Variants in BPTF observed in about 807,000 individuals in gnomAD.
The protein encoded by BPTF is nucleosome-remodeling factor subunit BPTF.
Under a neutral mutation model 292.5 loss-of-function variants are expected in BPTF, and 18 were observed. That is an observed-to-expected ratio of 0.06 (90% confidence interval 0.04 to 0.09). The LOEUF is 0.09. Among genes scored for constraint, BPTF ranks in the 10% least tolerant of loss-of-function variants. The probability of loss-of-function intolerance (pLI) is 1.00; values close to 1 mark genes in which losing one functional copy is unlikely to be tolerated. For missense variants in BPTF, 2,726 were observed against 3,498.7 expected, an observed-to-expected ratio of 0.78 and a Z score of 5.57; for synonymous variants, 1,225 against 1,251.9, an observed-to-expected ratio of 0.98 and a Z score of 0.45.
intron 9 of BPTF, among the ~76,000 whole-genome samples, chr17:67,906,169 C>T (rs2062178684): frequency 6.6e-6 from 1 of 152,070 alleles, no homozygotes; most frequent in African/African-American, 2.4e-5. Context: ...CAACCTCCGC[C>T]TCCTGGGTTC....
intron 2 of BPTF, among the ~76,000 whole-genome samples, chr17:67,860,115 AGAT>A (rs1477127058): frequency 6.6e-6 from 1 of 152,242 alleles, no homozygotes; most frequent in Non-Finnish European, 1.5e-5. Context: ...CAGATTTTAA[AGAT>A]GATTTCAGGC....
chr17:67,934,012 C>T (rs894856946), intron 18 of BPTF, among the ~76,000 whole-genome samples: 6 of 151,710 alleles, frequency 4.0e-5, no homozygotes, highest in African/African-American at 1.5e-4. Context: ...CCATTGCACT[C>T]CAACGTGGGC....
At chr17:67,923,879 A>C (rs1374353251) in intron 14 of BPTF, among the ~76,000 whole-genome samples, 1 of 145,918 alleles carries the variant, frequency 6.9e-6, no homozygotes, top group African/African-American at 2.5e-5. Context: ...AGACAGTTTC[A>C]CTCTGTCCCC....
chr17:67,861,131 T>C (rs2059051041), intron 2 of BPTF, among the ~76,000 whole-genome samples: 1 of 152,174 alleles, frequency 6.6e-6, no homozygotes, highest in South Asian at 2.1e-4. Flanking sequence ...TCTTAGTAAA[T>C]GGAATTACTG....
At chr17:67,961,014 A>T (rs561869542) in intron 24 of BPTF, among the ~76,000 whole-genome samples, 4 of 152,198 alleles carry the variant, frequency 2.6e-5, no homozygotes, top group South Asian at 4.1e-4. Flanking sequence ...ATTTTTTTTT[A>T]CTTTAGTTTA....
intron 26 of BPTF, chr17:67,974,257 A>G (rs2069127190): frequency 6.6e-6 from 1 of 150,724 alleles, no homozygotes; most frequent in African/African-American, 2.4e-5. Context: ...TATTTCAGTC[A>G]GTACATTCCA....
intron 9 of BPTF, among the ~76,000 whole-genome samples, chr17:67,905,854 G>A (rs1380925887): frequency 6.6e-6 from 1 of 151,672 alleles, no homozygotes; most frequent in Non-Finnish European, 1.5e-5. Flanking sequence ...TTTTCAGTGA[G>A]AACATTTGGA....
At chr17:67,855,330 A>C (rs2058626455) in intron 2 of BPTF, among the ~76,000 whole-genome samples, 1 of 152,158 alleles carries the variant, frequency 6.6e-6, no homozygotes. Flanking sequence ...AAAAGTTTCT[A>C]GGTGGAATGC....
chr17:67,912,007 TGTA>T lies in BPTF; in HGVS notation c.4126_4128del (p.Ser1376del), dbSNP rs2062686442. 6.2e-7 allele frequency: 1 copy of T among 1,613,618 alleles called. No individual in the cohort carries two copies. On this transcript the variant is annotated inframe_deletion, in exon 11 of 28. Coordinates refer to ENST00000306378, the MANE Select transcript of BPTF (RefSeq NM_182641.4). ...ATTAGAGGAGAGACCAGTTAATAAA[TGTA>T]GTGATCAAATAAAGCTAAAAAATAC...
chr17:67,974,259 T>C (rs1295450706), intron 26 of BPTF: 4 of 150,160 alleles, frequency 2.7e-5, no homozygotes, highest in African/African-American at 9.8e-5. Context: ...TTTCAGTCAG[T>C]ACATTCCAAA....
chr17:67,895,453 A>C (rs1598479967), intron 7 of BPTF, among the ~76,000 whole-genome samples: 1 of 145,128 alleles, frequency 6.9e-6, no homozygotes, highest in Non-Finnish European at 1.5e-5. Context: ...TGGTGTTTCC[A>C]CCACATACAT....
Position 67,904,739 on chromosome 17 carries a change from G to C in BPTF, c.2711G>C (p.Gly904Ala). 2 of 1,613,272 alleles carry C rather than the reference G, an allele frequency of 1.2e-6. No individual in the cohort carries two copies. Among genetic ancestry groups the C allele is most frequent in the Non-Finnish European group, 1.7e-6 (2 of 1,179,400 alleles). The change falls in exon 9 of 28, where the codon GGA becomes GCA. Residue 904 changes from glycine to alanine, a missense_variant. By Grantham distance (60) the Gly-to-Ala change is moderately conservative (BLOSUM62 0). This residue lies in a region of BPTF where 99 missense variants were observed against 227.1 expected (regional missense o/e 0.44). Coordinates refer to ENST00000306378, the MANE Select transcript of BPTF (RefSeq NM_182641.4). The stretch of plus-strand genomic sequence containing the variant: ...AAAGGTGAAGAGTACAGAGTGACAG[G>C]ATATGGTGGTTGGAGCTGGATTAGT... ...KQKGEEYRVT[G>A]YGGWSWISKT...
intron 1 of BPTF, among the ~76,000 whole-genome samples, chr17:67,828,184 C>T (rs1274236718): frequency 2.0e-5 from 3 of 152,096 alleles, no homozygotes; most frequent in African/African-American, 7.2e-5. Flanking sequence ...CCTACCTCGG[C>T]CTCCCAAAAT....
Position 67,936,190 on chromosome 17 carries a change from A to AAT in BPTF, c.6259+4175_6259+4176dup, listed in dbSNP as rs2064900497. Among the ~76,000 whole-genome samples the AAT allele has an allele frequency of 2.6e-5, 4 of 152,336 alleles. No homozygotes were observed. The South Asian group carries it at 8.3e-4, about 32-fold the overall frequency. ...TAATTTAGCACCAATTCTAATATGAAATATAGCAGGGTTTTTTGTTGTTGT... is the reference window on the plus strand; with the variant it reads ...TAATTTAGCACCAATTCTAATATGAAATATATAGCAGGGTTTTTTGTTGTTGT... On this transcript the variant is annotated intron_variant, in intron 18 of 27. Transcript: ENST00000306378.
At chr17:67,959,900 G>A (rs782107685) in intron 24 of BPTF, 25 bp downstream of exon 24, 3 of 1,462,772 alleles carry the variant, frequency 2.1e-6, no homozygotes, top group Non-Finnish European at 2.7e-6. Context: ...TTGAGCTCTA[G>A]TTTTTTGTCT....
rs893784943 is a variant in BPTF at position 67,892,026 on chromosome 17, G to C, written c.2047G>C (p.Gly683Arg). 3.8e-6 allele frequency: 6 copies of C among 1,586,478 alleles called. No homozygotes were observed. The highest frequency in any genetic ancestry group is 1.7e-6 in the Non-Finnish European group (2 of 1,166,986). Residue 683 changes from glycine (G) to arginine (R), a missense_variant, in exon 5 of 28, where the codon GGC (glycine) becomes CGC (arginine). This residue lies in a region of BPTF where 63 missense variants were observed against 84.1 expected (regional missense o/e 0.75). Transcript: ENST00000306378. ...AHEANKLFKE[G>R]KEVLVVNSQG... ...TGAAGCAAATAAATTATTTAAGGAG[G>C]GCAAAGAGGTGTGTTCTTTCTGTTT...
chr17:67,847,701 A>C (rs1393163986), intron 1 of BPTF, among the ~76,000 whole-genome samples: 1 of 151,862 alleles, frequency 6.6e-6, no homozygotes, highest in African/African-American at 2.4e-5. Context: ...AGAAAAAAGA[A>C]AGCACTCTAT....
At chr17:67,921,431 C>T (rs1358912223) in intron 13 of BPTF, among the ~76,000 whole-genome samples, 2 of 151,614 alleles carry the variant, frequency 1.3e-5, no homozygotes, top group Admixed American at 6.6e-5. Flanking sequence ...GAGGGTGAGG[C>T]GGGAGAATCA....
chr17:67,871,036 G>T (rs1187884090), intron 3 of BPTF, among the ~76,000 whole-genome samples: 1 of 151,968 alleles, frequency 6.6e-6, no homozygotes, highest in Non-Finnish European at 1.5e-5. Flanking sequence ...CTCCCAAAGT[G>T]CTGGGATTAC....
Sources: gnomAD v4.1 joint callset for allele counts (sites outside exome capture counted in the v4.1 genomes callset) on GRCh38, gnomAD v4.1.1 for gene constraint, gnomAD v4.1.1 regional missense constraint, MANE v1.5 for transcripts, NCBI Gene and HGNC (gene_info 2026-07-23, HGNC 2026-07-21) for gene names.